Variants in MEPE observed in about 807,000 individuals in gnomAD.
MEPE encodes the protein matrix extracellular phosphoglycoprotein.
MEPE carries 7 observed loss-of-function variants against 7.3 expected under a neutral mutation model. The ratio of observed to expected loss-of-function variants is 0.95; its 90% confidence interval spans 0.54 to 1.79. The LOEUF (loss-of-function observed/expected upper bound fraction) is 1.79. MEPE is among the 40% of genes most tolerant of loss of function. The pLI, the probability that MEPE is intolerant of heterozygous loss-of-function variation, is 0.00. For synonymous variants in MEPE, 214 were observed against 213.1 expected (o/e 1.00, Z -0.04); for missense variants, 623 against 628.2 (o/e 0.99, Z 0.09).
rs555535372 is a variant in MEPE at position 87,838,679 on chromosome 4, G to T, written c.102G>T (p.Glu34Asp). Residue 34 changes from glutamate (E) to aspartate (D), a missense_variant, in exon 3 of 4, where the codon GAG (glutamate) becomes GAT (aspartate). Transcript: ENST00000361056. ...TEKTKQSCVE[E>D]QRQEEKNKDN... ...AAACTAAGCAAAGCTGTGTGGAAGA[G>T]CAGAGGGTAAACAGAATTCATCTTT... The T allele has an allele frequency of 6.2e-7, 1 of 1,613,056 alleles. No homozygotes were observed. The highest frequency in any genetic ancestry group is 8.5e-7 in the Non-Finnish European group (1 of 1,179,252).
chr4:87,838,743 G>T, intron 3 of MEPE, 58 bp downstream of exon 3: 1 of 1,498,608 alleles, frequency 6.7e-7, no homozygotes, highest in South Asian at 1.2e-5. Flanking sequence ...GAAAAAGTCA[G>T]TAAGAGAAAA....
chr4:87,829,107 T>C (rs1208072185), upstream of MEPE, among the ~76,000 whole-genome samples: 2 of 152,112 alleles, frequency 1.3e-5, no homozygotes, highest in South Asian at 2.1e-4. Flanking sequence ...TTTAAGAGGG[T>C]AGAAGTAAAA....
intron 3 of MEPE, among the ~76,000 whole-genome samples, chr4:87,842,796 A>C (rs1723062942): frequency 6.6e-6 from 1 of 152,232 alleles, no homozygotes; most frequent in East Asian, 1.9e-4. Context: ...TATTACAACT[A>C]TGTATAAGTG....
At chr4:87,839,663 A>G in intron 3 of MEPE, 23 of 1,518,912 alleles carry the variant, frequency 1.5e-5, no homozygotes, top group Non-Finnish European at 2.0e-5. Flanking sequence ...ACGTGCCTCA[A>G]TATAATGTTG....
At chr4:87,824,535 G>A (rs1722416742) in intron 1 of MEPE, among the ~76,000 whole-genome samples, 1 of 152,174 alleles carries the variant, frequency 6.6e-6, no homozygotes, top group Non-Finnish European at 1.5e-5. Context: ...GTAAACAAAT[G>A]AACATGACTG....
chr4:87,846,451 C>A lies in MEPE; in HGVS notation c.*5C>A, dbSNP rs372163675. Reference sequence around the variant, plus strand: ...AGTGAGAGCGATGGTGACTAGTCCACCAGGAGTTCCCAGCGGGGTGACAGT... The same window carrying A: ...AGTGAGAGCGATGGTGACTAGTCCAACAGGAGTTCCCAGCGGGGTGACAGT... On this transcript the variant is annotated 3_prime_UTR_variant, in exon 4 of 4. Transcript: ENST00000361056. 25 of 1,606,130 alleles carry A rather than the reference C, an allele frequency of 1.6e-5. No homozygotes were observed. The African/African-American group carries it at 2.9e-4, about 19-fold the overall frequency.
At chr4:87,840,958 A>C (rs1722991235) in intron 3 of MEPE, among the ~76,000 whole-genome samples, 2 of 152,356 alleles carry the variant, frequency 1.3e-5, no homozygotes, top group South Asian at 4.1e-4. Context: ...CATTTAACAC[A>C]AGCAAATGTA....
At chr4:87,839,850 G>C (rs1020258105) in intron 3 of MEPE, 7 of 1,541,868 alleles carry the variant, frequency 4.5e-6, no homozygotes, top group Non-Finnish European at 1.8e-6. Flanking sequence ...AAATGTAGGG[G>C]AGGCAAAGTT....
At chr4:87,823,083 T>C (rs996042256) in intron 1 of MEPE, among the ~76,000 whole-genome samples, 1 of 152,090 alleles carries the variant, frequency 6.6e-6, no homozygotes, top group Non-Finnish European at 1.5e-5. Flanking sequence ...GCTGGCCACA[T>C]AGGAGTGTGG....
In MEPE at chr4:87,845,074, A is replaced by G. The variant is rs1360839059; in HGVS notation, c.206A>G (p.Lys69Arg). ...SSKENIVQER[K>R]KDLSLSEASE... Reference sequence around the variant, plus strand: ...AAAGAAAATATTGTCCAGGAAAGAAAGAAAGATTTGTCCCTTTCTGAAGCC... The same window carrying G: ...AAAGAAAATATTGTCCAGGAAAGAAGGAAAGATTTGTCCCTTTCTGAAGCC... Residue 69 changes from lysine (K) to arginine (R), a missense_variant, in exon 4 of 4, where the codon AAG (lysine) becomes AGG (arginine). Coordinates refer to ENST00000361056, the MANE Select transcript of MEPE (RefSeq NM_020203.6). The G allele has an allele frequency of 1.2e-6, 2 of 1,613,644 alleles. No homozygotes were observed. The highest frequency in any genetic ancestry group is 1.7e-6 in the Non-Finnish European group (2 of 1,179,798).
intron 3 of MEPE, among the ~76,000 whole-genome samples, chr4:87,844,009 G>A (rs1214643822): frequency 6.6e-6 from 1 of 152,114 alleles, no homozygotes; most frequent in Non-Finnish European, 1.5e-5. Flanking sequence ...GTCTTGACTA[G>A]GGCCATAGTG....
At chr4:87,829,027 C>T (rs931820825), upstream of MEPE, among the ~76,000 whole-genome samples, 1 of 152,096 alleles carries the variant, frequency 6.6e-6, no homozygotes, top group Non-Finnish European at 1.5e-5. Flanking sequence ...GCAAAACTCT[C>T]TATTATACAA....
intron 1 of MEPE, among the ~76,000 whole-genome samples, chr4:87,826,408 T>G (rs1377802659): frequency 2.0e-5 from 3 of 151,834 alleles, no homozygotes; most frequent in Non-Finnish European, 4.4e-5. Flanking sequence ...GTTTTTTGTT[T>G]TTGTTTTTTT....
At chr4:87,821,933 T>C (rs996530342) in intron 1 of MEPE, among the ~76,000 whole-genome samples, 1 of 152,056 alleles carries the variant, frequency 6.6e-6, no homozygotes, top group African/African-American at 2.4e-5. Context: ...ACACCTCATA[T>C]ATGCAGCACA....
At chr4:87,838,608 G>A (rs749138295) in intron 2 of MEPE, 24 bp from the exon 3 acceptor site, 1 of 1,609,912 alleles carries the variant, frequency 6.2e-7, no homozygotes, top group Non-Finnish European at 8.5e-7. Flanking sequence ...AGTGGGTGAA[G>A]TTTTGTTTCT....
chr4:87,832,083 G>C (rs1046347160), upstream of MEPE, among the ~76,000 whole-genome samples: 1 of 151,788 alleles, frequency 6.6e-6, no homozygotes, highest in Admixed American at 6.6e-5. Flanking sequence ...TCTCCAGAGG[G>C]GACAAATGCT....
intron 3 of MEPE, among the ~76,000 whole-genome samples, chr4:87,843,990 C>T (rs1723110264): frequency 6.6e-6 from 1 of 152,208 alleles, no homozygotes; most frequent in Non-Finnish European, 1.5e-5. Flanking sequence ...TTAGGATTCA[C>T]TTAGTATAGT....
At chr4:87,836,743 T>TATATTA (rs1357080549) in intron 2 of MEPE, among the ~76,000 whole-genome samples, 2 of 152,188 alleles carry the variant, frequency 1.3e-5, no homozygotes, top group East Asian at 3.8e-4. Flanking sequence ...ATTTATTATT[T>TATATTA]TAACCCTGGG....
chr4:87,827,223 C>A (rs1052021517), intron 1 of MEPE, among the ~76,000 whole-genome samples: 4 of 152,040 alleles, frequency 2.6e-5, no homozygotes, highest in Non-Finnish European at 5.9e-5. Context: ...ACACACAGAA[C>A]CTTGAGAGAA....
Sources: allele counts gnomAD v4.1 joint callset (sites outside exome capture counted in the v4.1 genomes callset), GRCh38; gene constraint gnomAD v4.1.1; transcripts MANE v1.5; gene names NCBI Gene and HGNC (gene_info 2026-07-23, HGNC 2026-07-21).